The following TRIM60 variants were observed in gnomAD, a reference collection of about 807,000 sequenced individuals.
TRIM60 encodes tripartite motif-containing protein 60.
For synonymous variants in TRIM60, 189 were observed against 195.2 expected, an observed-to-expected ratio of 0.97 and a Z score of 0.27; for missense variants, 524 against 540.8, an observed-to-expected ratio of 0.97 and a Z score of 0.31.
intron 1 of TRIM60, among the ~76,000 whole-genome samples, chr4:165,035,835 G>T (rs1266623665): frequency 6.6e-6 from 1 of 151,640 alleles, no homozygotes; most frequent in Non-Finnish European, 1.5e-5. Context: ...CGATTTTCCT[G>T]CCTTAGCCTC....
Position 165,040,110 on chromosome 4 carries a change from A to G in TRIM60, c.38A>G (p.Glu13Gly). Residue 13 changes from glutamate (E) to glycine (G), a missense_variant, in exon 3 of 3, where the codon GAG becomes GGG. By Grantham distance (98) the Glu-to-Gly change is moderately conservative. Transcript: ENST00000512596. ...FVTALVNLQE[E>G]SSCPICLEYL... ...ACAGCCCTGGTGAACCTCCAAGAGG[A>G]GTCTAGCTGTCCCATCTGTCTGGAG... The G allele has an allele frequency of 6.2e-7, 1 of 1,613,208 alleles. No homozygotes were observed. The highest frequency in any genetic ancestry group is 8.5e-7 in the Non-Finnish European group (1 of 1,179,980).
chr4:165,039,940 G>T (rs1421460091), intron 2 of TRIM60, 129 bp from the exon 3 acceptor site: 3 of 660,028 alleles, frequency 4.5e-6, no homozygotes, highest in East Asian at 5.5e-5. Flanking sequence ...CAGCATGCTA[G>T]GCTAGTGAAA....
chr4:165,040,762 A>G lies in TRIM60; in HGVS notation c.690A>G (p.Leu230=). ...LVELSDYVST[L]KHLLREVEGK... is the part of the protein sequence containing the mutation. ...AACTTTCAGATTATGTTTCCACATTAAAACATCTACTGAGGGAGGTAGAGG... is the reference window on the plus strand; with the variant it reads ...AACTTTCAGATTATGTTTCCACATTGAAACATCTACTGAGGGAGGTAGAGG... The change falls in exon 3 of 3, where the codon TTA becomes TTG. Residue 230 remains leucine, a synonymous_variant. Transcript: ENST00000512596. 1.2e-6 allele frequency: 2 copies of G among 1,614,162 alleles called. No individual in the cohort carries two copies. Among genetic ancestry groups the G allele is most frequent in the Non-Finnish European group, 1.7e-6 (2 of 1,179,992 alleles).
intron 1 of TRIM60, 74 bp from the exon 2 acceptor site, chr4:165,039,127 A>G (rs1356629456): frequency 6.6e-6 from 1 of 151,876 alleles, no homozygotes; most frequent in Non-Finnish European, 1.5e-5. Context: ...TACATATAGT[A>G]GAATTTTATT....
At chr4:165,032,580 C>G (rs969464064) in intron 1 of TRIM60, among the ~76,000 whole-genome samples, 1 of 152,086 alleles carries the variant, frequency 6.6e-6, no homozygotes, top group Non-Finnish European at 1.5e-5. Context: ...GGCAGTGGGA[C>G]CCCGATGATT....
chr4:165,040,251 T>G lies in TRIM60; in HGVS notation c.179T>G (p.Phe60Cys), dbSNP rs539303433. The G allele has an allele frequency of 2.7e-5, 44 of 1,614,088 alleles. No individual in the cohort carries two copies. The highest frequency in any genetic ancestry group is 3.6e-5 in the Non-Finnish European group (43 of 1,180,048). Residue 60 changes from phenylalanine to cysteine, a missense_variant, in exon 3 of 3, where the codon TTT (phenylalanine) becomes TGT (cysteine). Coordinates refer to ENST00000512596, the MANE Select transcript of TRIM60 (RefSeq NM_152620.3). ...TFPCPVCRFC[F>C]PYKSFRRNPQ... ...CCCTGTCCTGTCTGCCGTTTTTGCT[T>G]TCCATACAAGAGCTTCAGGAGGAAC...
chr4:165,040,112 T>G lies in TRIM60; in HGVS notation c.40T>G (p.Ser14Ala). The G allele has an allele frequency of 6.2e-7, 1 of 1,613,202 alleles. No homozygotes were observed. Among genetic ancestry groups the G allele is most frequent in the Non-Finnish European group, 8.5e-7 (1 of 1,179,982 alleles). Residue 14 changes from serine (S) to alanine (A), a missense_variant, in exon 3 of 3, where the codon TCT (serine) becomes GCT (alanine). Physicochemically the swap from Ser to Ala is moderately conservative, Grantham distance 99 (BLOSUM62 1). Transcript: ENST00000512596. ...VTALVNLQEESSCPICLEYLK... is the reference protein window; with the variant it reads ...VTALVNLQEEASCPICLEYLK... ...AGCCCTGGTGAACCTCCAAGAGGAGTCTAGCTGTCCCATCTGTCTGGAGTA... is the reference window on the plus strand; with the variant it reads ...AGCCCTGGTGAACCTCCAAGAGGAGGCTAGCTGTCCCATCTGTCTGGAGTA...
Position 165,040,783 on chromosome 4 carries a change from A to G in TRIM60, c.711A>G (p.Val237=), listed in dbSNP as rs1320806301. The part of the protein sequence containing the change: ...VSTLKHLLRE[V]EGKSVQSNLE... ...CATTAAAACATCTACTGAGGGAGGT[A>G]GAGGGCAAGTCTGTGCAGTCAAACC... Residue 237 remains valine, a synonymous_variant, in exon 3 of 3, where the codon GTA becomes GTG. Coordinates refer to ENST00000512596, the MANE Select transcript of TRIM60 (RefSeq NM_152620.3). 6.2e-7 allele frequency: 1 copy of G among 1,614,098 alleles called. No individual in the cohort carries two copies. The highest frequency in any genetic ancestry group is 1.3e-5 in the African/African-American group (1 of 74,954).
chr4:165,032,531 G>C lies in TRIM60; in HGVS notation c.-57+419G>C, dbSNP rs556021425. ...TCCAAAGTGCTGGGGTTACAGGCGT[G>C]AGCCACCGTGCTCGGCCGGATTCTG... On this transcript the variant is annotated intron_variant, in intron 1 of 2. Transcript: ENST00000512596. Among the ~76,000 whole-genome samples, 36 of 152,342 alleles carry C rather than the reference G, an allele frequency of 2.4e-4. 1 individual carries two copies. The highest frequency in any genetic ancestry group is 8.2e-4 in the African/African-American group (34 of 41,588).
Position 165,040,198 on chromosome 4 carries a change from A to G in TRIM60, c.126A>G (p.Val42=). 2 of 1,614,168 alleles carry G rather than the reference A, an allele frequency of 1.2e-6. No individual in the cohort carries two copies. The highest frequency in any genetic ancestry group is 1.1e-5 in the South Asian group (1 of 91,082). ...ACTTCTGTCGCTCCTGCCTCAGTGT[A>G]TCCTGGAAGGATCTAGATGATACCT... ...GHNFCRSCLS[V]SWKDLDDTFP... is the part of the protein sequence containing the mutation. Residue 42 remains valine (V), a synonymous_variant, in exon 3 of 3, where the codon GTA becomes GTG. Coordinates refer to ENST00000512596, the MANE Select transcript of TRIM60 (RefSeq NM_152620.3).
chr4:165,035,737 T>G (rs1365484814), intron 1 of TRIM60, among the ~76,000 whole-genome samples: 3 of 152,018 alleles, frequency 2.0e-5, no homozygotes, highest in Non-Finnish European at 4.4e-5. Flanking sequence ...TCTTTTTTTT[T>G]TTTAGACAGA....
chr4:165,038,694 G>T (rs1222523688), intron 1 of TRIM60, among the ~76,000 whole-genome samples: 2 of 149,350 alleles, frequency 1.3e-5, no homozygotes, highest in Non-Finnish European at 3.0e-5. Context: ...TGTCATTTGT[G>T]CTGTTGAGAA....
intron 1 of TRIM60, among the ~76,000 whole-genome samples, chr4:165,035,364 A>G (rs1733597468): frequency 6.6e-6 from 1 of 152,174 alleles, no homozygotes. Flanking sequence ...GTGCCTGGCC[A>G]ACAATTATGG....
In TRIM60 at chr4:165,040,696, A is replaced by G; in HGVS notation, c.624A>G (p.Glu208=). The change falls in exon 3 of 3, where the codon GAA becomes GAG. Residue 208 remains glutamate (E), a synonymous_variant. Transcript: ENST00000512596. ...QEMILRQIQD[E]EMNILAKLNE... ...TGATTCTTAGGCAGATACAAGATGAAGAGATGAACATTTTAGCAAAACTAA... is the reference window on the plus strand; with the variant it reads ...TGATTCTTAGGCAGATACAAGATGAGGAGATGAACATTTTAGCAAAACTAA... The G allele has an allele frequency of 6.2e-7, 1 of 1,613,862 alleles. No homozygotes were observed. The highest frequency in any genetic ancestry group is 8.5e-7 in the Non-Finnish European group (1 of 1,179,948).
At chr4:165,037,298 C>T (rs73005730) in intron 1 of TRIM60, among the ~76,000 whole-genome samples, 7,964 of 152,054 alleles carry the variant, frequency 0.052, 580 homozygotes, top group African/African-American at 0.16. Context: ...ACTTTGGATA[C>T]GCCTATCAAA....
intron 1 of TRIM60, among the ~76,000 whole-genome samples, chr4:165,033,401 A>G (rs1360349024): frequency 6.6e-6 from 1 of 152,216 alleles, no homozygotes; most frequent in Non-Finnish European, 1.5e-5. Flanking sequence ...CAGACCGTGA[A>G]CTGTACTCTC....
chr4:165,033,501 G>A (rs548896669), intron 1 of TRIM60, among the ~76,000 whole-genome samples: 1 of 152,316 alleles, frequency 6.6e-6, no homozygotes, highest in South Asian at 2.1e-4. Flanking sequence ...CAGGAAAAGA[G>A]TAAAGTCCAG....
intron 1 of TRIM60, among the ~76,000 whole-genome samples, chr4:165,036,394 T>A (rs73005720): frequency 0.015 from 2,325 of 152,316 alleles, 55 homozygotes; most frequent in African/African-American, 0.054. Context: ...GATATCTGTT[T>A]ACATCATCTT....
rs1490411393 is a variant in TRIM60, at chr4:165,040,481, G to A, written c.409G>A (p.Ala137Thr). The change falls in exon 3 of 3, where the codon GCC (alanine) becomes ACC (threonine). Residue 137 changes from alanine to threonine, a missense_variant. By Grantham distance (58) the Ala-to-Thr change is moderately conservative (BLOSUM62 0). Coordinates refer to ENST00000512596, the MANE Select transcript of TRIM60 (RefSeq NM_152620.3). ...CTACATTTGCCCTATTAAGAAAGCT[G>A]CCTCTTATCACAGAGAAATTCTAGA... ...KHYICPIKKA[A>T]SYHREILEGS... 1 of 1,614,166 alleles carries A rather than the reference G, an allele frequency of 6.2e-7. No homozygotes were observed. The highest frequency in any genetic ancestry group is 1.1e-5 in the South Asian group (1 of 91,080).
Sources: allele counts gnomAD v4.1 joint callset (sites outside exome capture counted in the v4.1 genomes callset), GRCh38; gene constraint gnomAD v4.1.1; transcripts MANE v1.5; gene names NCBI Gene and HGNC (gene_info 2026-07-23, HGNC 2026-07-21).